Variants in MCPH1 observed in about 807,000 individuals in gnomAD.
MCPH1 encodes the protein microcephalin 1.
MCPH1 carries 104 observed loss-of-function variants against 84.5 expected under a neutral mutation model. The ratio of observed to expected loss-of-function variants is 1.23; its 90% CI spans 1.05 to 1.45. The LOEUF is 1.45. Among genes scored for constraint, MCPH1 ranks in the 40% most tolerant of loss-of-function variants. The pLI is 0.00. For synonymous variants in MCPH1, 514 were observed against 366.8 expected, an observed-to-expected ratio of 1.40 and a Z score of -4.58; for missense variants, 1,498 against 1,005.7, an observed-to-expected ratio of 1.49 and a Z score of -6.62.
At chr8:6,433,119 C>T (rs190021900) in intron 4 of MCPH1, among the ~76,000 whole-genome samples, 19 of 152,242 alleles carry the variant, frequency 1.2e-4, no homozygotes, top group African/African-American at 4.6e-4. Flanking sequence ...CATTTCATGT[C>T]GGTAGCTTTG....
chr8:6,485,386 T>A (rs1357387670), intron 11 of MCPH1, among the ~76,000 whole-genome samples: 1 of 152,150 alleles, frequency 6.6e-6, no homozygotes, highest in African/African-American at 2.4e-5. Context: ...GTTTGAGCAC[T>A]GGTAGGACCG....
At chr8:6,505,273 T>A (rs1563305416) in intron 12 of MCPH1, among the ~76,000 whole-genome samples, 4,497 of 30,350 alleles carry the variant, frequency 0.15, 838 homozygotes, top group East Asian at 0.35. Flanking sequence ...TATATATATG[T>A]ATACATATAT....
chr8:6,480,043 C>T (rs532218073), intron 10 of MCPH1, among the ~76,000 whole-genome samples: 1 of 152,064 alleles, frequency 6.6e-6, no homozygotes, highest in African/African-American at 2.4e-5. Flanking sequence ...TTCAAATAGG[C>T]CTGAAAAACA....
At chr8:6,532,571 C>CT in intron 12 of MCPH1, 3 of 654,996 alleles carry the variant, frequency 4.6e-6, no homozygotes, top group Non-Finnish European at 4.2e-6. Flanking sequence ...TCCTCCCTAT[C>CT]TTTAAAAAAA....
chr8:6,545,167 C>T (rs1450925774), intron 12 of MCPH1, among the ~76,000 whole-genome samples: 1 of 152,002 alleles, frequency 6.6e-6, no homozygotes. Context: ...AGAATAATGT[C>T]TTCCGGGTGG....
chr8:6,426,102 C>T (rs921220151), intron 3 of MCPH1, among the ~76,000 whole-genome samples: 7 of 152,200 alleles, frequency 4.6e-5, no homozygotes, highest in African/African-American at 9.7e-5. Context: ...CTCTTCCACC[C>T]GCCTCCCTTT....
intron 12 of MCPH1, among the ~76,000 whole-genome samples, chr8:6,561,993 G>A (rs1244837585): frequency 6.6e-6 from 1 of 152,134 alleles, no homozygotes; most frequent in Non-Finnish European, 1.5e-5. Flanking sequence ...GAACTGACGG[G>A]GGCTGCAGTG....
chr8:6,497,943 G>C (rs1472128387), intron 11 of MCPH1, among the ~76,000 whole-genome samples: 1 of 152,106 alleles, frequency 6.6e-6, no homozygotes, highest in Admixed American at 6.5e-5. Flanking sequence ...TTACAAGTTT[G>C]TTCAAAGAAC....
At chr8:6,610,646 A>T (rs528640575) in intron 12 of MCPH1, among the ~76,000 whole-genome samples, 4 of 152,260 alleles carry the variant, frequency 2.6e-5, no homozygotes, top group African/African-American at 9.6e-5. Context: ...AACTATAATC[A>T]TTCTGCTTAG....
At chr8:6,544,343 T>C (rs1439796473) in intron 12 of MCPH1, among the ~76,000 whole-genome samples, 1 of 152,118 alleles carries the variant, frequency 6.6e-6, no homozygotes, top group Non-Finnish European at 1.5e-5. Flanking sequence ...CCGTGATGAT[T>C]ATAGTTTGAC....
chr8:6,415,606 G>A (rs572551054), intron 3 of MCPH1, among the ~76,000 whole-genome samples: 2 of 152,152 alleles, frequency 1.3e-5, no homozygotes, highest in African/African-American at 2.4e-5. Context: ...CACCTGCCTC[G>A]GCCTCCCAAA....
intron 12 of MCPH1, among the ~76,000 whole-genome samples, chr8:6,504,242 C>T (rs1371495680): frequency 5.9e-5 from 8 of 134,950 alleles, no homozygotes; most frequent in Middle Eastern, 5.3e-3. Flanking sequence ...GGCGTGAACC[C>T]GGGAGGCGGA....
intron 12 of MCPH1, among the ~76,000 whole-genome samples, chr8:6,619,680 G>T (rs996830259): frequency 1.3e-5 from 2 of 149,582 alleles, no homozygotes; most frequent in African/African-American, 2.5e-5. Flanking sequence ...CACCTCCCGG[G>T]TTCACACCAT....
At chr8:6,621,818 C>T (rs1254313343) in intron 13 of MCPH1, 127 bp downstream of exon 13, 2 of 1,246,092 alleles carry the variant, frequency 1.6e-6, no homozygotes, top group East Asian at 2.3e-5. Context: ...TCTCAGCCTC[C>T]AGCATCTGCC....
In MCPH1 at chr8:6,409,120, C is replaced by G. The variant is rs112503494; in HGVS notation, c.23-159C>G. On this transcript the variant is annotated intron_variant, in intron 1 of 13. Coordinates refer to ENST00000344683, the MANE Select transcript of MCPH1 (RefSeq NM_024596.5). Reference sequence around the variant, plus strand: ...CCGGCTGGTCTCAAACCCCTGACTTCGTGGATCCACCCACTTCCGCCTCCC... The same window carrying G: ...CCGGCTGGTCTCAAACCCCTGACTTGGTGGATCCACCCACTTCCGCCTCCC... Among the ~76,000 whole-genome samples, 3,306 of 152,216 alleles carry G rather than the reference C, an allele frequency of 0.022. 119 individuals carry two copies. Among genetic ancestry groups the G allele is most frequent in the African/African-American group, 0.076 (3,157 of 41,526 alleles).
intron 10 of MCPH1, among the ~76,000 whole-genome samples, chr8:6,480,064 C>T (rs1389086214): frequency 6.6e-6 from 1 of 151,968 alleles, no homozygotes; most frequent in Non-Finnish European, 1.5e-5. Context: ...AATCATTGCC[C>T]CAGTGGGAAG....
chr8:6,496,564 C>G (rs918932123), intron 11 of MCPH1, among the ~76,000 whole-genome samples: 5 of 150,636 alleles, frequency 3.3e-5, no homozygotes, highest in African/African-American at 1.2e-4. Flanking sequence ...AGTTACATTC[C>G]CACAGGTATT....
chr8:6,459,927 C>T (rs1159799186), intron 9 of MCPH1, among the ~76,000 whole-genome samples: 5 of 152,152 alleles, frequency 3.3e-5, no homozygotes, highest in African/African-American at 9.7e-5. Context: ...TGGTGTGGCC[C>T]GGGGATGGAT....
At chr8:6,603,442 A>G (rs978111114) in intron 12 of MCPH1, among the ~76,000 whole-genome samples, 2 of 152,216 alleles carry the variant, frequency 1.3e-5, no homozygotes, top group African/African-American at 2.4e-5. Flanking sequence ...TTCTTAAATT[A>G]TACCTCAGTA....
Sources: allele counts gnomAD v4.1 joint callset (sites outside exome capture counted in the v4.1 genomes callset), GRCh38; gene constraint gnomAD v4.1.1; transcripts MANE v1.5; gene names NCBI Gene and HGNC (gene_info 2026-07-23, HGNC 2026-07-21).